ZNF644: variants seen among roughly 807,000 people sequenced by gnomAD.
ZNF644 encodes the protein zinc finger motif enhancer binding protein 2.
ZNF644 carries 20 observed loss-of-function variants against 108.0 expected under a neutral mutation model. That is an observed-to-expected ratio of 0.19 (90% CI 0.13 to 0.27). The LOEUF is 0.27. Ranked by LOEUF, ZNF644 falls within the 10% of genes least tolerant of loss-of-function variation. The probability of loss-of-function intolerance (pLI) is 1.00; values close to 1 mark genes in which losing one functional copy is unlikely to be tolerated. For synonymous variants in ZNF644, 542 were observed against 539.1 expected (o/e 1.01, Z -0.08); for missense variants, 1,338 against 1,548.9 (o/e 0.86, Z 2.29).
At chr1:90,988,465 C>T (rs1230138080) in intron 1 of ZNF644, among the ~76,000 whole-genome samples, 1 of 152,122 alleles carries the variant, frequency 6.6e-6, no homozygotes, top group Non-Finnish European at 1.5e-5. Flanking sequence ...ATACTACCCA[C>T]AGCAATCTAC....
At chr1:90,918,565 T>C (rs1649065444) in intron 4 of ZNF644, among the ~76,000 whole-genome samples, 1 of 152,204 alleles carries the variant, frequency 6.6e-6, no homozygotes, top group Non-Finnish European at 1.5e-5. Flanking sequence ...GAACCTTTTA[T>C]TTGAGATCAT....
intron 1 of ZNF644, among the ~76,000 whole-genome samples, chr1:91,013,735 G>C (rs1252006593): frequency 6.6e-6 from 1 of 152,016 alleles, no homozygotes; most frequent in Non-Finnish European, 1.5e-5. Flanking sequence ...ACTTCATGTG[G>C]CTACTGAATA....
chr1:90,924,243 C>T (rs1467412718), intron 4 of ZNF644, among the ~76,000 whole-genome samples: 1 of 152,094 alleles, frequency 6.6e-6, no homozygotes, highest in Admixed American at 6.6e-5. Context: ...TTTGTGGTGA[C>T]AGGTAAGAAA....
At position 90,941,320 on chromosome 1, in the gene ZNF644, G is replaced by GAA; in HGVS notation, c.45-13_45-12dup. 1 of 1,550,954 alleles carries GAA rather than the reference G, an allele frequency of 6.4e-7. No individual in the cohort carries two copies. Among genetic ancestry groups the GAA allele is most frequent in the Admixed American group, 2.0e-5 (1 of 51,228 alleles). On this transcript the variant is annotated splice_polypyrimidine_tract_variant and intron_variant, in intron 2 of 5. Transcript: ENST00000337393. ...TTTAACACATTTAGTCTAGAAAATG[G>GAA]AAAAAAAAAATTTAGATTTGCATGA...
At chr1:90,971,482 G>C (rs898809453) in intron 2 of ZNF644, among the ~76,000 whole-genome samples, 1 of 152,036 alleles carries the variant, frequency 6.6e-6, no homozygotes, top group African/African-American at 2.4e-5. Flanking sequence ...GTGCAATGGC[G>C]TGATCTCGGC....
At chr1:91,004,505 A>C (rs1659222265) in intron 1 of ZNF644, among the ~76,000 whole-genome samples, 1 of 152,196 alleles carries the variant, frequency 6.6e-6, no homozygotes, top group Non-Finnish European at 1.5e-5. Flanking sequence ...AATACTAAAG[A>C]GTGTCCCTCA....
chr1:90,957,369 A>G (rs1451935566), intron 2 of ZNF644, among the ~76,000 whole-genome samples: 1 of 152,190 alleles, frequency 6.6e-6, no homozygotes, highest in Non-Finnish European at 1.5e-5. Context: ...AACAGACACC[A>G]AAATCCTCAA....
chr1:91,007,701 T>C (rs1659587770), intron 1 of ZNF644, among the ~76,000 whole-genome samples: 1 of 152,208 alleles, frequency 6.6e-6, no homozygotes, highest in Admixed American at 6.5e-5. Flanking sequence ...TCTAAATTTC[T>C]AGAAGCTCTT....
intron 2 of ZNF644, among the ~76,000 whole-genome samples, chr1:90,948,674 G>A (rs974338225): frequency 6.6e-6 from 1 of 152,112 alleles, no homozygotes; most frequent in African/African-American, 2.4e-5. Flanking sequence ...ACAGAAAGTC[G>A]ACTATATTCA....
intron 4 of ZNF644, among the ~76,000 whole-genome samples, chr1:90,930,960 T>C (rs1453301223): frequency 6.6e-6 from 1 of 152,176 alleles, no homozygotes; most frequent in Non-Finnish European, 1.5e-5. Context: ...TTTTTCCTGA[T>C]TGCAGATTAG....
intron 1 of ZNF644, among the ~76,000 whole-genome samples, chr1:90,991,984 T>C (rs1657678900): frequency 1.3e-5 from 2 of 152,050 alleles, no homozygotes; most frequent in Non-Finnish European, 2.9e-5. Context: ...ACTGAACTAA[T>C]GATATATGCA....
intron 2 of ZNF644, among the ~76,000 whole-genome samples, chr1:90,943,334 G>C (rs997874695): frequency 3.9e-5 from 6 of 152,062 alleles, no homozygotes; most frequent in Admixed American, 3.3e-4. Flanking sequence ...CCAGCTACTC[G>C]AGAGGCTGAG....
chr1:91,022,005 G>T lies in ZNF644; in HGVS notation c.-33C>A. 2.5e-6 allele frequency: 1 copy of T among 398,908 alleles called. No individual in the cohort carries two copies. The highest frequency in any genetic ancestry group is 4.4e-6 in the Non-Finnish European group (1 of 225,986). The allele number at this position is 398,908 out of a possible 1,614,324, so 24.7% of individuals were successfully genotyped here. On this transcript the variant is annotated 5_prime_UTR_variant, in exon 1 of 6. Transcript: ENST00000337393. ...TGAAACTCACAGTTTGGTGCCGTGTGCGTCAAACCGGGGCGACGTTGGGAG... is the reference window on the plus strand; with the variant it reads ...TGAAACTCACAGTTTGGTGCCGTGTTCGTCAAACCGGGGCGACGTTGGGAG...
intron 1 of ZNF644, among the ~76,000 whole-genome samples, chr1:91,001,530 G>A (rs1358969930): frequency 2.0e-5 from 3 of 152,096 alleles, no homozygotes; most frequent in Non-Finnish European, 2.9e-5. Flanking sequence ...TTGATGGGAC[G>A]TATCTCAAAA....
intron 1 of ZNF644, among the ~76,000 whole-genome samples, chr1:91,007,799 C>T (rs1478624842): frequency 6.6e-6 from 1 of 152,154 alleles, no homozygotes; most frequent in African/African-American, 2.4e-5. Context: ...TAACTTTTTA[C>T]AAAAACTTGT....
chr1:90,962,468 C>G (rs1265178207), intron 2 of ZNF644, among the ~76,000 whole-genome samples: 1 of 151,960 alleles, frequency 6.6e-6, no homozygotes, highest in Non-Finnish European at 1.5e-5. Flanking sequence ...AAAGGTGATT[C>G]TATGCCTCAC....
intron 1 of ZNF644, among the ~76,000 whole-genome samples, chr1:91,007,603 C>T (rs1421356701): frequency 3.3e-5 from 5 of 152,116 alleles, no homozygotes; most frequent in Non-Finnish European, 7.4e-5. Flanking sequence ...TTTTGTCCTC[C>T]TCCGTGGGAG....
intron 4 of ZNF644, among the ~76,000 whole-genome samples, chr1:90,931,940 C>T (rs1194728724): frequency 1.3e-5 from 2 of 152,068 alleles, no homozygotes; most frequent in Non-Finnish European, 2.9e-5. Context: ...TCAGGAGATA[C>T]GCAAAGTCTA....
intron 1 of ZNF644, among the ~76,000 whole-genome samples, chr1:91,007,225 G>GGTT (rs1659527631): frequency 1.1e-4 from 6 of 55,998 alleles, no homozygotes; most frequent in African/African-American, 4.6e-4. Flanking sequence ...CTCCCATTTT[G>GGTT]TTTTTTTTTT....
Sources: allele counts gnomAD v4.1 joint callset (sites outside exome capture counted in the v4.1 genomes callset), GRCh38; gene constraint gnomAD v4.1.1; transcripts MANE v1.5; gene names NCBI Gene and HGNC (gene_info 2026-07-23, HGNC 2026-07-21).